Variants in CACNA2D4 observed in about 807,000 individuals in gnomAD.
CACNA2D4 encodes voltage-dependent calcium channel subunit alpha-2/delta-4.
A neutral mutation model predicts 163.8 loss-of-function variants in CACNA2D4; 157 were observed. That is an observed-to-expected ratio of 0.96 (90% CI 0.84 to 1.09). The LOEUF (loss-of-function observed/expected upper bound fraction) is 1.09. CACNA2D4 is among the 50% of genes least tolerant of loss of function. The pLI, the probability that CACNA2D4 is intolerant of heterozygous loss-of-function variation, is 0.00. For synonymous variants in CACNA2D4, 598 were observed against 586.9 expected (o/e 1.02, Z -0.27); for missense variants, 1,410 against 1,479.9 (o/e 0.95, Z 0.78).
At chr12:1,816,470 C>G (rs1863875430) in intron 26 of CACNA2D4, among the ~76,000 whole-genome samples, 1 of 151,726 alleles carries the variant, frequency 6.6e-6, no homozygotes, top group Non-Finnish European at 1.5e-5. Context: ...CCCCAGCTGA[C>G]CTGGGTCCCT....
intron 26 of CACNA2D4, among the ~76,000 whole-genome samples, chr12:1,818,372 G>A (rs373562480): frequency 6.6e-6 from 1 of 151,884 alleles, no homozygotes; most frequent in Non-Finnish European, 1.5e-5. Flanking sequence ...GATGGTTGCC[G>A]TGTCTGTGTA....
rs1863195547 is a variant in CACNA2D4, at chr12:1,798,234, G to T, written c.2996-699C>A. 6.6e-6 allele frequency among the ~76,000 whole-genome samples: 1 copy of T among 152,182 alleles called. No individual in the cohort carries two copies. The highest frequency in any genetic ancestry group is 2.4e-5 in the African/African-American group (1 of 41,444). ...CAGGACCCGAGTCCGTTCCCTCCCG[G>T]AGCCTCCTGAGGTGGGCACATGGCA... is the stretch of plus-strand genomic sequence containing the variant. On this transcript the variant is annotated intron_variant, in intron 34 of 37. Coordinates refer to ENST00000382722, the MANE Select transcript of CACNA2D4 (RefSeq NM_172364.5). This position sits in a 1 kb window ranked among gnomAD's most constrained non-coding sequence, Gnocchi z 4.3.
intron 10 of CACNA2D4, 46 bp downstream of exon 10, chr12:1,884,937 TGCCG>T: frequency 6.3e-7 from 1 of 1,593,636 alleles, no homozygotes; most frequent in Non-Finnish European, 8.6e-7. Flanking sequence ...CCCCTCCACC[TGCCG>T]CCTTCCTCCC....
chr12:1,814,655 C>T (rs1044850344), intron 26 of CACNA2D4, among the ~76,000 whole-genome samples: 5 of 152,212 alleles, frequency 3.3e-5, no homozygotes, highest in African/African-American at 1.2e-4. Context: ...AACGTCTGCA[C>T]ACCTCAGTTC....
rs923385537 is a variant in CACNA2D4, at chr12:1,829,563, A to T, written c.2551+11176T>A. Among the ~76,000 whole-genome samples the T allele has an allele frequency of 6.6e-6, 1 of 152,080 alleles. No homozygotes were observed. The highest frequency in any genetic ancestry group is 1.5e-5 in the Non-Finnish European group (1 of 68,002). The stretch of plus-strand genomic sequence containing the variant: ...AGCCACGTGTCAGCTCTCAGCTGTC[A>T]TCGATCCTCCAGGCAGGGAAGGGGA... On this transcript the variant is annotated intron_variant, in intron 26 of 37. Transcript: ENST00000382722. This position sits in a 1 kb window ranked among gnomAD's most constrained non-coding sequence, Gnocchi z 4.2.
At chr12:1,886,749 T>G (rs983306502) in intron 7 of CACNA2D4, among the ~76,000 whole-genome samples, 1 of 152,060 alleles carries the variant, frequency 6.6e-6, no homozygotes, top group Non-Finnish European at 1.5e-5. Context: ...AACAAAAGGT[T>G]GACGTGGAGA....
At position 1,828,991 on chromosome 12, in the gene CACNA2D4, G is replaced by A. The variant is rs192878272; in HGVS notation, c.2551+11748C>T. ...GGGACGGCATTCCGCCTGACTTCCC[G>A]CTCTGATCCAGCACCCAACACGGGC... On this transcript the variant is annotated intron_variant, in intron 26 of 37. Coordinates refer to ENST00000382722, the MANE Select transcript of CACNA2D4 (RefSeq NM_172364.5). This position sits in a 1 kb window ranked among gnomAD's most constrained non-coding sequence, Gnocchi z 4.2. 4.0e-4 allele frequency among the ~76,000 whole-genome samples: 61 copies of A among 152,330 alleles called. No homozygotes were observed. The highest frequency in any genetic ancestry group is 2.9e-3 in the East Asian group (15 of 5,182).
chr12:1,891,064 C>T (rs976960824), intron 6 of CACNA2D4, among the ~76,000 whole-genome samples: 1 of 152,192 alleles, frequency 6.6e-6, no homozygotes, highest in Non-Finnish European at 1.5e-5. Flanking sequence ...AAAGCCTGCC[C>T]AACAGCCTGG....
At position 1,806,793 on chromosome 12, in the gene CACNA2D4, C is replaced by T. The variant is rs1442000419; in HGVS notation, c.2721+3485G>A. Among the ~76,000 whole-genome samples the T allele has an allele frequency of 1.3e-5, 2 of 152,142 alleles. No homozygotes were observed. The highest frequency in any genetic ancestry group is 4.8e-5 in the African/African-American group (2 of 41,446). On this transcript the variant is annotated intron_variant, in intron 29 of 37. Coordinates refer to ENST00000382722, the MANE Select transcript of CACNA2D4 (RefSeq NM_172364.5). This position sits in a 1 kb window ranked among gnomAD's most constrained non-coding sequence, Gnocchi z 4.1. The stretch of plus-strand genomic sequence containing the variant: ...CTGGGGTGGGACCCTGGCAAATCTG[C>T]ATCTCTAACAAGCTCCCAGATGCTG...
In CACNA2D4 at chr12:1,887,085, C is replaced by T. The variant is rs1866166538; in HGVS notation, c.782-16G>A. ...CATTTTATACCTGGGAGAATAAAGA[C>T]TCGTTCTTTTACTAGCTTGGTGAGG... On this transcript the variant is annotated splice_polypyrimidine_tract_variant and intron_variant, in intron 6 of 37. Transcript: ENST00000382722. The T allele has an allele frequency of 6.4e-7, 1 of 1,565,510 alleles. No homozygotes were observed. The highest frequency in any genetic ancestry group is 8.7e-7 in the Non-Finnish European group (1 of 1,149,592).
chr12:1,875,402 T>C lies in CACNA2D4; in HGVS notation c.1720-65A>G. 1.0e-6 allele frequency: 1 copy of C among 1,004,596 alleles called. No homozygotes were observed. The highest frequency in any genetic ancestry group is 1.6e-6 in the Non-Finnish European group (1 of 625,844). 62.2% of individuals were successfully genotyped at this position (1,004,596 alleles called of 1,614,324 possible). On this transcript the variant is annotated intron_variant, in intron 16 of 37. Coordinates refer to ENST00000382722, the MANE Select transcript of CACNA2D4 (RefSeq NM_172364.5). This position sits in a 1 kb window ranked among gnomAD's most constrained non-coding sequence, Gnocchi z 4.0. The stretch of plus-strand genomic sequence containing the variant: ...ATACGTCCTGCTCAAGTTTATCTCT[T>C]CTACAAAGCCTTTCAGGTATATTCA...
rs1487120853 is a variant in CACNA2D4, at chr12:1,886,224, G to A, written c.992C>T (p.Ala331Val). Reference sequence around the variant, plus strand: ...TCTAGAACAGGAAGGCACATTTACCGCTATGATATTAATGAAGTCATTCTC... The same window carrying A: ...TCTAGAACAGGAAGGCACATTTACCACTATGATATTAATGAAGTCATTCTC... The part of the protein sequence containing the change: ...LGENDFINII[A>V]YNDYVHYIEP... The change falls in exon 8 of 38, where the codon GCG becomes GTG. Residue 331 changes from alanine (A) to valine (V), a missense_variant and splice_region_variant. Coordinates refer to ENST00000382722, the MANE Select transcript of CACNA2D4 (RefSeq NM_172364.5). 17 of 1,612,284 alleles carry A rather than the reference G, an allele frequency of 1.1e-5. No individual in the cohort carries two copies. Among genetic ancestry groups the A allele is most frequent in the South Asian group, 3.3e-5 (3 of 91,058 alleles).
At position 1,899,042 on chromosome 12, in the gene CACNA2D4, C is replaced by T. The variant is rs537431528; in HGVS notation, c.781+8398G>A. 2.1e-4 allele frequency among the ~76,000 whole-genome samples: 32 copies of T among 151,882 alleles called. No homozygotes were observed. The East Asian group carries it at 2.3e-3, about 11-fold the overall frequency. ...ACAATGAGAATGCACTTATTATCAGCGATACTTTTAATAAGTTCACTTAAA... is the reference window on the plus strand; with the variant it reads ...ACAATGAGAATGCACTTATTATCAGTGATACTTTTAATAAGTTCACTTAAA... On this transcript the variant is annotated intron_variant, in intron 6 of 37. Transcript: ENST00000382722.
At chr12:1,857,427 G>C (rs1865424032) in intron 20 of CACNA2D4, among the ~76,000 whole-genome samples, 2 of 152,200 alleles carry the variant, frequency 1.3e-5, no homozygotes, top group African/African-American at 4.8e-5. Flanking sequence ...CCCTCTGGCT[G>C]AAGCTCAGAG....
chr12:1,807,535 C>T (rs957362890), intron 29 of CACNA2D4, among the ~76,000 whole-genome samples: 29 of 151,964 alleles, frequency 1.9e-4, no homozygotes, highest in African/African-American at 6.8e-4. Flanking sequence ...AACAGATGGA[C>T]GGACAGAGGG....
At chr12:1,811,313 G>T (rs534329280) in intron 27 of CACNA2D4, among the ~76,000 whole-genome samples, 1 of 152,216 alleles carries the variant, frequency 6.6e-6, no homozygotes, top group African/African-American at 2.4e-5. Flanking sequence ...GCCAGAAGCC[G>T]CTGTCGTCTC....
chr12:1,820,454 G>A lies in CACNA2D4; in HGVS notation c.2552-8731C>T, dbSNP rs1370538077. The A allele has an allele frequency of 6.6e-6, 1 of 152,290 alleles. No homozygotes were observed. The highest frequency in any genetic ancestry group is 1.5e-5 in the Non-Finnish European group (1 of 68,068). The allele number at this position is 152,290 out of a possible 1,614,324, so 9.4% of individuals were successfully genotyped here. On this transcript the variant is annotated intron_variant, in intron 26 of 37. Coordinates refer to ENST00000382722, the MANE Select transcript of CACNA2D4 (RefSeq NM_172364.5). This position sits in a 1 kb window ranked among gnomAD's most constrained non-coding sequence, Gnocchi z 6.0. ...GTGTGCTGCTGCCGCTGTCATCACA[G>A]ATGCACCCCAGCTGTCACTCCCCGC... is the stretch of plus-strand genomic sequence containing the variant.
At chr12:1,794,092 G>A (rs1212233432) in intron 37 of CACNA2D4, among the ~76,000 whole-genome samples, 1 of 152,102 alleles carries the variant, frequency 6.6e-6, no homozygotes, top group Non-Finnish European at 1.5e-5. Context: ...CCCGGCTCAG[G>A]GCCTGACACC....
chr12:1,841,255 C>T (rs1029604216), intron 25 of CACNA2D4, among the ~76,000 whole-genome samples: 1 of 152,178 alleles, frequency 6.6e-6, no homozygotes, highest in Non-Finnish European at 1.5e-5. Flanking sequence ...CAGTCAGTCC[C>T]AATCAGGAAG....
Sources: gnomAD v4.1 joint callset for allele counts (sites outside exome capture counted in the v4.1 genomes callset) on GRCh38, gnomAD v4.1.1 for gene constraint, Gnocchi (gnomAD v3.1) non-coding constraint, MANE v1.5 for transcripts, NCBI Gene and HGNC (gene_info 2026-07-23, HGNC 2026-07-21) for gene names.